Variants in NUP153 observed in about 807,000 individuals in gnomAD.
The protein encoded by NUP153 is nuclear pore complex protein Nup153.
In NUP153, 27 loss-of-function variants were observed where a neutral mutation model predicts 134.6. The observed-to-expected ratio is 0.20, with a 90% confidence interval of 0.15 to 0.28. The LOEUF is 0.28. NUP153 is among the 10% of genes least tolerant of loss of function. NUP153 has a pLI of 1.00. For missense variants in NUP153, 1,821 were observed against 1,731.3 expected (o/e 1.05, Z -0.92); for synonymous variants, 640 against 623.5 (o/e 1.03, Z -0.40).
At chr6:17,648,003 CTAAG>C (rs929794482) in intron 12 of NUP153, 98 bp from the exon 13 acceptor site, 2 of 729,498 alleles carry the variant, frequency 2.7e-6, no homozygotes, top group African/African-American at 3.6e-5. Context: ...TCCAAAGACA[CTAAG>C]TATTTTTTCC....
Position 17,616,022 on chromosome 6 carries a change from G to A in NUP153, c.*75C>T. ...GCAGATCTGACTTCAGATAACCCCA[G>A]CACAAAGTACAATCCAGTATCTGAA... is the stretch of plus-strand genomic sequence containing the variant. On this transcript the variant is annotated 3_prime_UTR_variant, in exon 22 of 22. Transcript: ENST00000262077. 1.8e-6 allele frequency: 2 copies of A among 1,088,320 alleles called. No individual in the cohort carries two copies. Among genetic ancestry groups the A allele is most frequent in the Non-Finnish European group, 2.8e-6 (2 of 711,574 alleles). 67.4% of individuals were successfully genotyped at this position (1,088,320 alleles called of 1,614,324 possible).
At chr6:17,701,844 G>GGGGGGGAA (rs1554148666) in intron 1 of NUP153, among the ~76,000 whole-genome samples, 2 of 81,706 alleles carry the variant, frequency 2.4e-5, no homozygotes, top group Non-Finnish European at 5.2e-5. Flanking sequence ...GGGGGGGGGG[G>GGGGGGGAA]AAAAAAGCTA....
At chr6:17,705,591 G>GA (rs1001112359) in intron 1 of NUP153, among the ~76,000 whole-genome samples, 1 of 144,560 alleles carries the variant, frequency 6.9e-6, no homozygotes, top group South Asian at 2.2e-4. Context: ...GTGTTGGGGG[G>GA]GGGGAGGGGA....
intron 2 of NUP153, among the ~76,000 whole-genome samples, chr6:17,685,751 A>G (rs1396656897): frequency 1.3e-5 from 2 of 152,120 alleles, no homozygotes; most frequent in Admixed American, 6.6e-5. Flanking sequence ...TATGTACTCT[A>G]TAGAATACTA....
chr6:17,650,556 T>C (rs1404827733), intron 11 of NUP153, among the ~76,000 whole-genome samples: 3 of 152,144 alleles, frequency 2.0e-5, no homozygotes, highest in African/African-American at 7.2e-5. Context: ...TTCAAATGGA[T>C]GCAGTTTATT....
chr6:17,693,899 T>G (rs1481148304), intron 1 of NUP153, among the ~76,000 whole-genome samples: 2 of 152,188 alleles, frequency 1.3e-5, no homozygotes, highest in African/African-American at 4.8e-5. Flanking sequence ...CCACCGCGCC[T>G]GGCCTAATAC....
At chr6:17,636,365 T>TA (rs1255016133) in intron 16 of NUP153, among the ~76,000 whole-genome samples, 1 of 149,854 alleles carries the variant, frequency 6.7e-6, no homozygotes, top group Non-Finnish European at 1.5e-5. Flanking sequence ...ATGAAGATTC[T>TA]AAAATCTTAC....
At chr6:17,676,637 T>C (rs1455920799) in intron 2 of NUP153, among the ~76,000 whole-genome samples, 1 of 151,968 alleles carries the variant, frequency 6.6e-6, no homozygotes, top group Non-Finnish European at 1.5e-5. Flanking sequence ...TAAACAATTA[T>C]AAGACTGGAG....
intron 11 of NUP153, among the ~76,000 whole-genome samples, chr6:17,652,634 G>A (rs12205627): frequency 0.28 from 43,177 of 151,978 alleles, 6,279 homozygotes; most frequent in East Asian, 0.33. Context: ...AAGAAAATGA[G>A]TAGGCAAGCA....
chr6:17,641,887 A>C (rs888186025), intron 14 of NUP153, among the ~76,000 whole-genome samples: 1 of 152,138 alleles, frequency 6.6e-6, no homozygotes, highest in Non-Finnish European at 1.5e-5. Context: ...AAGATGGGTC[A>C]AAATGGTAAA....
intron 8 of NUP153, among the ~76,000 whole-genome samples, chr6:17,667,334 AAT>A (rs985104116): frequency 1.3e-5 from 2 of 152,226 alleles, no homozygotes; most frequent in Non-Finnish European, 2.9e-5. Flanking sequence ...ATAATTTATC[AAT>A]ATCTTAGTCA....
intron 11 of NUP153, among the ~76,000 whole-genome samples, chr6:17,649,892 G>C (rs961840114): frequency 6.6e-6 from 1 of 152,114 alleles, no homozygotes; most frequent in Non-Finnish European, 1.5e-5. Flanking sequence ...GGGATTCTTG[G>C]AACATATCCC....
intron 5 of NUP153, among the ~76,000 whole-genome samples, chr6:17,672,512 G>A (rs1324793561): frequency 3.3e-5 from 5 of 152,090 alleles, no homozygotes; most frequent in Non-Finnish European, 5.9e-5. Context: ...GGAGGTTCTG[G>A]TTGCAGTGAG....
intron 20 of NUP153, among the ~76,000 whole-genome samples, chr6:17,621,011 C>A (rs1764618251): frequency 6.6e-6 from 1 of 151,116 alleles, no homozygotes; most frequent in African/African-American, 2.4e-5. Context: ...AAGAACTCAA[C>A]AGCAAAACAA....
In NUP153 at chr6:17,637,337, C is replaced by A; in HGVS notation, c.2280G>T (p.Leu760Phe). 6.2e-7 allele frequency: 1 copy of A among 1,614,180 alleles called. No homozygotes were observed. The highest frequency in any genetic ancestry group is 2.2e-5 in the East Asian group (1 of 44,888). ...TCTCAGCACTTTCCGAAACCACTGT[C>A]AATGTAAGGGCTCGCTTCACACAAG... ...PGTCVKRALT[L>F]TVVSESAETM... The change falls in exon 16 of 22, where the codon TTG (leucine) becomes TTT (phenylalanine). Residue 760 changes from leucine to phenylalanine, a missense_variant. Coordinates refer to ENST00000262077, the MANE Select transcript of NUP153 (RefSeq NM_005124.4).
intron 11 of NUP153, among the ~76,000 whole-genome samples, chr6:17,655,674 G>A (rs1422986797): frequency 2.6e-5 from 4 of 151,668 alleles, no homozygotes; most frequent in East Asian, 3.9e-4. Flanking sequence ...GGCTGGTCTC[G>A]AGCTCCTGAC....
chr6:17,650,913 C>T (rs1360871265), intron 11 of NUP153, among the ~76,000 whole-genome samples: 1 of 152,062 alleles, frequency 6.6e-6, no homozygotes, highest in Non-Finnish European at 1.5e-5. Context: ...GTTATTTTTA[C>T]AGGATGTGGT....
At chr6:17,622,387 C>T (rs1239292776) in intron 20 of NUP153, among the ~76,000 whole-genome samples, 1 of 152,144 alleles carries the variant, frequency 6.6e-6, no homozygotes, top group African/African-American at 2.4e-5. Flanking sequence ...ATGGCTTGAG[C>T]CCAGCAGGTT....
At chr6:17,702,573 G>C (rs1013957187) in intron 1 of NUP153, among the ~76,000 whole-genome samples, 1 of 151,996 alleles carries the variant, frequency 6.6e-6, no homozygotes, top group Non-Finnish European at 1.5e-5. Flanking sequence ...CTACTCGGGA[G>C]GCTGAGGCAG....
Sources: gnomAD v4.1 joint callset for allele counts (sites outside exome capture counted in the v4.1 genomes callset) on GRCh38, gnomAD v4.1.1 for gene constraint, MANE v1.5 for transcripts, NCBI Gene and HGNC (gene_info 2026-07-23, HGNC 2026-07-21) for gene names.